Variants in TMTC2 observed in about 807,000 individuals in gnomAD.
The protein encoded by TMTC2 is protein O-mannosyl-transferase TMTC2.
In TMTC2, 43 loss-of-function variants were observed where a neutral mutation model predicts 82.4. The observed-to-expected ratio is 0.52, with a 90% CI of 0.41 to 0.67. TMTC2 has a LOEUF of 0.67. TMTC2 is among the 30% of genes least tolerant of loss of function. The pLI is 0.00. For synonymous variants in TMTC2, 408 were observed against 381.9 expected (o/e 1.07, Z -0.80); for missense variants, 919 against 1,012.4 (o/e 0.91, Z 1.25).
chr12:82,767,635 T>G (rs1378324056), intron 1 of TMTC2, among the ~76,000 whole-genome samples: 1 of 152,178 alleles, frequency 6.6e-6, no homozygotes, highest in Non-Finnish European at 1.5e-5. Flanking sequence ...GGTCAGTTTT[T>G]ATTAATTTTG....
intron 7 of TMTC2, 68 bp from the exon 8 acceptor site, chr12:82,985,857 A>G: frequency 6.4e-7 from 1 of 1,551,984 alleles, no homozygotes; most frequent in Non-Finnish European, 8.8e-7. Context: ...GATGATGATG[A>G]TGCTGTTGCA....
chr12:83,040,588 A>G (rs914551585), intron 9 of TMTC2, among the ~76,000 whole-genome samples: 12 of 112,370 alleles, frequency 1.1e-4, no homozygotes, highest in Non-Finnish European at 9.1e-5. Flanking sequence ...AATCAAGACA[A>G]TAACCAGAGT....
At chr12:83,103,239 A>G (rs1045952757) in intron 11 of TMTC2, among the ~76,000 whole-genome samples, 2 of 152,242 alleles carry the variant, frequency 1.3e-5, no homozygotes, top group African/African-American at 2.4e-5. Flanking sequence ...GCACCAGTAT[A>G]GTGAAGCAGA....
intron 2 of TMTC2, 22 bp downstream of exon 2, chr12:82,857,602 A>G (rs1441988581): frequency 1.3e-6 from 2 of 1,572,798 alleles, no homozygotes; most frequent in Admixed American, 3.6e-5. Context: ...TTGGCTCTTG[A>G]GCATTGGATT....
rs556320578 is a variant in TMTC2, at chr12:82,993,592, C to T, written c.2070+7546C>T. On this transcript the variant is annotated intron_variant, in intron 8 of 11. Transcript: ENST00000321196. Reference sequence around the variant, plus strand: ...AAGTTAAAATTTATCAAAATTTATGCACACAAACACAGGCTATTATTATAT... The same window carrying T: ...AAGTTAAAATTTATCAAAATTTATGTACACAAACACAGGCTATTATTATAT... Among the ~76,000 whole-genome samples the T allele has an allele frequency of 2.6e-5, 4 of 152,198 alleles. No individual in the cohort carries two copies. The East Asian group carries it at 7.7e-4, about 29-fold the overall frequency.
At chr12:83,118,860 T>G (rs984693792) in intron 11 of TMTC2, among the ~76,000 whole-genome samples, 3 of 152,172 alleles carry the variant, frequency 2.0e-5, no homozygotes, top group African/African-American at 7.2e-5. Flanking sequence ...TCAGGGTGTC[T>G]AATTCTTCCT....
At chr12:83,078,419 T>C (rs1386434978) in intron 11 of TMTC2, among the ~76,000 whole-genome samples, 1 of 152,192 alleles carries the variant, frequency 6.6e-6, no homozygotes, top group East Asian at 1.9e-4. Flanking sequence ...AAGGATTTGA[T>C]TAAATATATT....
chr12:82,803,712 C>T (rs2137039669), intron 1 of TMTC2, among the ~76,000 whole-genome samples: 1 of 152,164 alleles, frequency 6.6e-6, no homozygotes, highest in Admixed American at 6.5e-5. Flanking sequence ...AGCAGGCCAC[C>T]AGGCATGCAG....
At chr12:82,987,190 G>A (rs894538581) in intron 8 of TMTC2, among the ~76,000 whole-genome samples, 4 of 151,858 alleles carry the variant, frequency 2.6e-5, no homozygotes, top group Non-Finnish European at 5.9e-5. Flanking sequence ...TTAGGGGGCC[G>A]AGGCAGGCAG....
chr12:82,824,140 C>T (rs1334771164), intron 1 of TMTC2, among the ~76,000 whole-genome samples: 1 of 152,206 alleles, frequency 6.6e-6, no homozygotes, highest in Non-Finnish European at 1.5e-5. Context: ...GTGATCCACC[C>T]TCCTCGGCCT....
chr12:82,756,675 C>G lies in TMTC2; in HGVS notation c.83+69006C>G, dbSNP rs143379062. Among the ~76,000 whole-genome samples, 284 of 152,304 alleles carry G rather than the reference C, an allele frequency of 1.9e-3. 2 individuals are homozygous for G. Among genetic ancestry groups the G allele is most frequent in the African/African-American group, 6.6e-3 (274 of 41,566 alleles). ...GGAATGCTTTAGAAATGATCACCAA[C>G]TCTGTCAAATGTGGAGGCATTTGTG... On this transcript the variant is annotated intron_variant, in intron 1 of 11. Coordinates refer to ENST00000321196, the MANE Select transcript of TMTC2 (RefSeq NM_152588.3).
intron 2 of TMTC2, among the ~76,000 whole-genome samples, chr12:82,882,232 C>G (rs1196405549): frequency 6.6e-6 from 1 of 151,766 alleles, no homozygotes; most frequent in African/African-American, 2.4e-5. Flanking sequence ...ATCTCCTGAC[C>G]TCGTGATCCG....
rs564773222 is a variant in TMTC2, at chr12:82,850,557, G to C, written c.84-6453G>C. On this transcript the variant is annotated intron_variant, in intron 1 of 11. Coordinates refer to ENST00000321196, the MANE Select transcript of TMTC2 (RefSeq NM_152588.3). ...AAGGTCAGGCGATGGGACCAGGAGA[G>C]AAACAGCCACATTTGGGAGGGTTAG... Among the ~76,000 whole-genome samples, 3 of 152,174 alleles carry C rather than the reference G, an allele frequency of 2.0e-5. No individual in the cohort carries two copies. In the East Asian group the frequency reaches 5.8e-4, roughly 29 times the overall value.
chr12:83,063,897 C>T (rs752001576), intron 11 of TMTC2, among the ~76,000 whole-genome samples: 6 of 151,664 alleles, frequency 4.0e-5, no homozygotes, highest in South Asian at 2.1e-4. Flanking sequence ...CAGCAGGGAA[C>T]GGGGTGGCAT....
At chr12:82,995,240 A>G (rs1879565517) in intron 8 of TMTC2, among the ~76,000 whole-genome samples, 1 of 152,126 alleles carries the variant, frequency 6.6e-6, no homozygotes. Context: ...GACAATATAC[A>G]TTTTTAGAAA....
chr12:82,914,810 C>T (rs1418966174), intron 3 of TMTC2, among the ~76,000 whole-genome samples: 4 of 148,236 alleles, frequency 2.7e-5, no homozygotes, highest in African/African-American at 1.0e-4. Flanking sequence ...ATCATTACAA[C>T]TCACTTATTT....
chr12:83,093,617 T>C (rs148317005), intron 11 of TMTC2, among the ~76,000 whole-genome samples: 53 of 152,346 alleles, frequency 3.5e-4, no homozygotes, highest in African/African-American at 1.2e-3. Context: ...GCTGAATCTG[T>C]ACAGGGGAAG....
chr12:82,745,807 G>A (rs1047990935), intron 1 of TMTC2, among the ~76,000 whole-genome samples: 1 of 152,206 alleles, frequency 6.6e-6, no homozygotes, highest in African/African-American at 2.4e-5. Flanking sequence ...TGGTATTAAT[G>A]TGGTGACTTA....
At chr12:82,877,840 A>T (rs749383413) in intron 2 of TMTC2, among the ~76,000 whole-genome samples, 5 of 152,212 alleles carry the variant, frequency 3.3e-5, no homozygotes, top group Non-Finnish European at 7.3e-5. Context: ...CAGTAGAAGA[A>T]AAAACAAAAT....
Sources: allele counts gnomAD v4.1 joint callset (sites outside exome capture counted in the v4.1 genomes callset), GRCh38; gene constraint gnomAD v4.1.1; transcripts MANE v1.5; gene names NCBI Gene and HGNC (gene_info 2026-07-23, HGNC 2026-07-21).